Variants in ASMT observed in about 807,000 individuals in gnomAD.
The protein encoded by ASMT is acetylserotonin N-methyltransferase.
A neutral mutation model predicts 41.3 loss-of-function variants in ASMT; 53 were observed. That is an observed-to-expected ratio of 1.28 (90% CI 1.03 to 1.61). ASMT has a LOEUF of 1.61. ASMT is among the 40% of genes most tolerant of loss of function. The pLI, the probability that ASMT is intolerant of heterozygous loss-of-function variation, is 0.00. For synonymous variants in ASMT, 231 were observed against 184.8 expected (o/e 1.25, Z -2.03); for missense variants, 531 against 441.3 (o/e 1.20, Z -1.82).
intron 1 of ASMT, among the ~76,000 whole-genome samples, chrX:1,616,515 G>A (rs1192373617): frequency 2.2e-4 from 34 of 151,148 alleles, no homozygotes; most frequent in African/African-American, 7.0e-4. Flanking sequence ...TCTGGAACCC[G>A]GCGGAAGTGC....
At chrX:1,636,183 T>G (rs1934954525) in intron 7 of ASMT, 8 of 526,880 alleles carry the variant, frequency 1.5e-5, no homozygotes, top group Non-Finnish European at 2.8e-5. Context: ...GGTCTTGATC[T>G]CCTGACCTCG....
intron 3 of ASMT, among the ~76,000 whole-genome samples, chrX:1,625,405 A>G (rs1357867641): frequency 6.6e-6 from 1 of 151,282 alleles, no homozygotes; most frequent in Non-Finnish European, 1.5e-5. Flanking sequence ...CTAAGGTGGG[A>G]GAACTGCTTG....
intron 1 of ASMT, among the ~76,000 whole-genome samples, chrX:1,619,649 G>A (rs1934269008): frequency 6.7e-6 from 1 of 149,524 alleles, no homozygotes; most frequent in Non-Finnish European, 1.5e-5. Flanking sequence ...AACAGAAACA[G>A]TTAATGCACC....
chrX:1,616,100 C>G (rs1392707809), intron 1 of ASMT, among the ~76,000 whole-genome samples: 1 of 151,448 alleles, frequency 6.6e-6, no homozygotes, highest in Admixed American at 6.6e-5. Flanking sequence ...ACGGTCTTGG[C>G]TCACTGCAAC....
At position 1,615,197 on chromosome X, in the gene ASMT, A is replaced by G. The variant is rs1372357225; in HGVS notation, c.-3A>G. The G allele has an allele frequency of 1.9e-6, 3 of 1,590,708 alleles. No individual in the cohort carries two copies. The Admixed American group carries it at 5.3e-5, about 28-fold the overall frequency. On this transcript the variant is annotated 5_prime_UTR_variant, in exon 1 of 9. Transcript: ENST00000381241. ...CGGAAGCCACGGCTGGATTGGAGAC[A>G]AGATGGGATCCTCAGAGGACCAGGC...
intron 7 of ASMT, 143 bp downstream of exon 7, chrX:1,633,433 A>G (rs1369513363): frequency 5.4e-6 from 5 of 922,036 alleles, no homozygotes; most frequent in African/African-American, 4.8e-5. Flanking sequence ...TCTGTTATTC[A>G]TGATGGATGG....
At chrX:1,617,991 C>T (rs751749519) in intron 1 of ASMT, among the ~76,000 whole-genome samples, 4 of 151,854 alleles carry the variant, frequency 2.6e-5, no homozygotes, top group African/African-American at 9.7e-5. Flanking sequence ...TTGTAGAGCC[C>T]GTGAATTTTA....
intron 8 of ASMT, among the ~76,000 whole-genome samples, chrX:1,636,833 G>A (rs1409103399): frequency 6.6e-6 from 1 of 152,258 alleles, no homozygotes; most frequent in Non-Finnish European, 1.5e-5. Context: ...GCTAGTATTT[G>A]TGTGTGTGAT....
intron 8 of ASMT, among the ~76,000 whole-genome samples, chrX:1,642,576 G>T (rs1421532272): frequency 1.1e-4 from 17 of 151,666 alleles, no homozygotes; most frequent in Non-Finnish European, 1.9e-4. Context: ...GGTTCATGAG[G>T]ACATGGGCAC....
Position 1,642,922 on chromosome X carries a change from C to A in ASMT, c.1030C>A (p.His344Asn). ...GGAAGGGCAGGAGAGGACCCCCACC[C>A]ACTACCACATGCTCCTCTCTTCTGC... ...QTEGQERTPTHYHMLLSSAGF... is the reference protein window; with the variant it reads ...QTEGQERTPTNYHMLLSSAGF... Residue 344 changes from histidine (H) to asparagine (N), a missense_variant, in exon 9 of 9, where the codon CAC becomes AAC. His to Asn is a moderately conservative substitution (Grantham distance 68). Coordinates refer to ENST00000381241, the MANE Select transcript of ASMT (RefSeq NM_001171038.2). The A allele has an allele frequency of 1.2e-6, 2 of 1,613,996 alleles. No homozygotes were observed. The highest frequency in any genetic ancestry group is 1.7e-6 in the Non-Finnish European group (2 of 1,179,878).
At chrX:1,635,975 T>C (rs1484612968) in intron 7 of ASMT, among the ~76,000 whole-genome samples, 1 of 151,422 alleles carries the variant, frequency 6.6e-6, no homozygotes, top group African/African-American at 2.4e-5. Context: ...TTTTTTTTTT[T>C]TGGAGACAGT....
intron 4 of ASMT, among the ~76,000 whole-genome samples, chrX:1,628,627 T>C (rs1432755631): frequency 2.7e-4 from 39 of 146,512 alleles, no homozygotes; most frequent in African/African-American, 9.5e-4. Context: ...CCTTCTGTCC[T>C]GTTCCCTCTC....
chrX:1,632,876 G>A lies in ASMT; in HGVS notation c.646+89G>A, dbSNP rs1358372009. ...CAGGGCCTGGGGGGCTGGGAGGCTG[G>A]GGGAGGGAGAGCACTAGGACAAATA... is the stretch of plus-strand genomic sequence containing the variant. On this transcript the variant is annotated intron_variant, in intron 6 of 8. Transcript: ENST00000381241. 7.3e-6 allele frequency: 4 copies of A among 545,310 alleles called. No individual in the cohort carries two copies. In the East Asian group the frequency reaches 9.6e-5, roughly 13 times the overall value. 33.8% of individuals were successfully genotyped at this position (545,310 alleles called of 1,614,324 possible).
chrX:1,637,041 A>C lies in ASMT; in HGVS notation c.910+481A>C, dbSNP rs371662441. ...CCCAGCTCTCCTGTGAGGTCCATCC[A>C]TCCTGATGGCACATGAGGATGTGGG... On this transcript the variant is annotated intron_variant, in intron 8 of 8. Transcript: ENST00000381241. Among the ~76,000 whole-genome samples, 249 of 97,856 alleles carry C rather than the reference A, an allele frequency of 2.5e-3. 16 individuals are homozygous for C. Among genetic ancestry groups the C allele is most frequent in the South Asian group, 8.3e-3 (25 of 3,004 alleles). 64.2% of individuals were successfully genotyped at this position (97,856 alleles called of 152,430 possible). A position where few individuals can be genotyped will look rare whatever the true frequency, so the allele number is the denominator to read the frequency against.
chrX:1,642,101 G>A (rs1482841264), intron 8 of ASMT, among the ~76,000 whole-genome samples: 1 of 142,906 alleles, frequency 7.0e-6, no homozygotes, highest in African/African-American at 2.6e-5. Context: ...CTGTGTGTGT[G>A]TGTGTGATGG....
At chrX:1,630,186 T>C (rs28541554) in intron 5 of ASMT, among the ~76,000 whole-genome samples, 20,782 of 151,722 alleles carry the variant, frequency 0.14, 1,309 homozygotes, top group Middle Eastern at 0.19. Context: ...CAGGCTGCAG[T>C]GCAGTGGCAT....
intron 8 of ASMT, among the ~76,000 whole-genome samples, chrX:1,641,437 C>CTG (rs1357685787): frequency 1.1e-4 from 16 of 139,272 alleles, no homozygotes; most frequent in South Asian, 6.9e-4. Flanking sequence ...CACAGCCGCT[C>CTG]TGTGTGTGAT....
chrX:1,641,677 C>T (rs1384181096), intron 8 of ASMT, among the ~76,000 whole-genome samples: 8 of 145,648 alleles, frequency 5.5e-5, no homozygotes, highest in African/African-American at 2.0e-4. Context: ...TACATGGACA[C>T]AGCCTCTCTG....
chrX:1,642,749 C>G, intron 8 of ASMT, 54 bp from the exon 9 acceptor site: 1 of 1,553,654 alleles, frequency 6.4e-7, no homozygotes, highest in Non-Finnish European at 8.9e-7. Flanking sequence ...GGGACTTTGG[C>G]ACAGTCTGTC....
Sources: allele counts gnomAD v4.1 joint callset (sites outside exome capture counted in the v4.1 genomes callset), GRCh38; gene constraint gnomAD v4.1.1; transcripts MANE v1.5; gene names NCBI Gene and HGNC (gene_info 2026-07-23, HGNC 2026-07-21).